The following CAMK1D variants were observed in gnomAD, a reference collection of about 807,000 sequenced individuals.
The protein encoded by CAMK1D is calcium/calmodulin dependent protein kinase ID.
A neutral mutation model predicts 47.7 loss-of-function variants in CAMK1D; 9 were observed. The ratio of observed to expected loss-of-function variants is 0.19; its 90% CI spans 0.11 to 0.33. CAMK1D has a LOEUF of 0.33. CAMK1D is among the 10% of genes least tolerant of loss of function. The pLI, the probability that CAMK1D is intolerant of heterozygous loss-of-function variation, is 1.00. For missense variants in CAMK1D, 291 were observed against 488.7 expected (o/e 0.60, Z 3.81); for synonymous variants, 184 against 184.9 (o/e 0.99, Z 0.04).
At chr10:12,715,634 A>G (rs1228293742) in intron 3 of CAMK1D, among the ~76,000 whole-genome samples, 1 of 152,018 alleles carries the variant, frequency 6.6e-6, no homozygotes, top group Non-Finnish European at 1.5e-5. Flanking sequence ...CTATGTTTTC[A>G]AAAGTTAAAT....
intron 1 of CAMK1D, among the ~76,000 whole-genome samples, chr10:12,541,569 C>G (rs1836175119): frequency 6.6e-6 from 1 of 152,106 alleles, no homozygotes; most frequent in African/African-American, 2.4e-5. Context: ...CCATGTTGGT[C>G]AGGCTGGTCT....
At chr10:12,578,601 G>A (rs1222599137) in intron 2 of CAMK1D, among the ~76,000 whole-genome samples, 1 of 148,132 alleles carries the variant, frequency 6.8e-6, no homozygotes, top group Non-Finnish European at 1.5e-5. Flanking sequence ...GTAGAGATGA[G>A]ATGTAGTCTC....
rs369917298 is a variant in CAMK1D, at chr10:12,684,216, C to G, written c.299+17406C>G. Among the ~76,000 whole-genome samples, 35 of 152,206 alleles carry G rather than the reference C, an allele frequency of 2.3e-4. No homozygotes were observed. The East Asian group carries it at 6.8e-3, about 29-fold the overall frequency. The stretch of plus-strand genomic sequence containing the variant: ...TTCTAATAGTTAGCATTTTAAGAAG[C>G]TAACATTCTTCCTGGAACAGAGGAG... On this transcript the variant is annotated intron_variant, in intron 3 of 10. Coordinates refer to ENST00000619168, the MANE Select transcript of CAMK1D (RefSeq NM_153498.4).
At chr10:12,487,209 C>G (rs913529595) in intron 1 of CAMK1D, among the ~76,000 whole-genome samples, 1 of 152,176 alleles carries the variant, frequency 6.6e-6, no homozygotes, top group Non-Finnish European at 1.5e-5. Flanking sequence ...TCAGCTGTCC[C>G]TCGCATTATG....
chr10:12,668,889 G>T (rs72771773), intron 3 of CAMK1D, among the ~76,000 whole-genome samples: 133 of 151,346 alleles, frequency 8.8e-4, no homozygotes, highest in Non-Finnish European at 1.5e-3. Context: ...TTCTGTCAAG[G>T]AATTCCTCTT....
chr10:12,646,465 G>A lies in CAMK1D; in HGVS notation c.225-20271G>A, dbSNP rs373143025. 1.8e-3 allele frequency among the ~76,000 whole-genome samples: 276 copies of A among 152,258 alleles called. 1 individual carries two copies. In the Middle Eastern group the frequency reaches 0.034, roughly 19 times the overall value. On this transcript the variant is annotated intron_variant, in intron 2 of 10. Transcript: ENST00000619168. ...ACATTTCATTTCAGAGACAGTTGAT[G>A]GGGCCAGAAAGAAGTGAGCTTAAGA...
intron 2 of CAMK1D, among the ~76,000 whole-genome samples, chr10:12,625,640 C>A (rs1414631838): frequency 1.3e-5 from 2 of 151,680 alleles, no homozygotes; most frequent in African/African-American, 4.9e-5. Context: ...CCCTCTGCCC[C>A]ATTTCTTACT....
chr10:12,426,396 G>A (rs527309875), intron 1 of CAMK1D, among the ~76,000 whole-genome samples: 13 of 152,222 alleles, frequency 8.5e-5, no homozygotes, highest in African/African-American at 2.2e-4. Context: ...ACAGGCATGC[G>A]CCACCATGCC....
chr10:12,554,797 G>A (rs2132276429), intron 2 of CAMK1D, among the ~76,000 whole-genome samples: 1 of 152,236 alleles, frequency 6.6e-6, no homozygotes, highest in East Asian at 1.9e-4. Flanking sequence ...TCCTACCGCA[G>A]CCTCCCAGAT....
At chr10:12,676,142 CAG>C (rs947091305) in intron 3 of CAMK1D, among the ~76,000 whole-genome samples, 1 of 152,122 alleles carries the variant, frequency 6.6e-6, no homozygotes, top group African/African-American at 2.4e-5. Flanking sequence ...TTAGTAGAGA[CAG>C]GGTTTCACCG....
intron 3 of CAMK1D, among the ~76,000 whole-genome samples, chr10:12,731,672 A>G (rs1453985248): frequency 1.3e-5 from 2 of 152,346 alleles, no homozygotes; most frequent in East Asian, 3.9e-4. Flanking sequence ...TAAGGGAGCA[A>G]GAGGGAGCAA....
At chr10:12,821,095 C>T (rs1435437066) in intron 8 of CAMK1D, among the ~76,000 whole-genome samples, 2 of 152,202 alleles carry the variant, frequency 1.3e-5, no homozygotes, top group Admixed American at 6.5e-5. Context: ...CAGGCCAGGG[C>T]AGCAGGCTGG....
chr10:12,443,896 C>T (rs1832856302), intron 1 of CAMK1D, among the ~76,000 whole-genome samples: 1 of 152,192 alleles, frequency 6.6e-6, no homozygotes, highest in Non-Finnish European at 1.5e-5. Context: ...TCCCAGAGTT[C>T]TGGGATTATA....
chr10:12,615,158 A>G (rs1287842211), intron 2 of CAMK1D, among the ~76,000 whole-genome samples: 6 of 152,154 alleles, frequency 3.9e-5, no homozygotes, highest in Non-Finnish European at 7.4e-5. Flanking sequence ...GGGCGAGAGG[A>G]GGCAGAATTG....
chr10:12,615,264 G>A (rs1838746886), intron 2 of CAMK1D, among the ~76,000 whole-genome samples: 1 of 152,164 alleles, frequency 6.6e-6, no homozygotes, highest in Non-Finnish European at 1.5e-5. Context: ...TCAGCAAGAG[G>A]AATTCACTAT....
intron 5 of CAMK1D, among the ~76,000 whole-genome samples, chr10:12,776,667 A>G (rs148581834): frequency 6.6e-6 from 1 of 152,308 alleles, no homozygotes; most frequent in Non-Finnish European, 1.5e-5. Context: ...CACAGCCCAC[A>G]GCACCGTAAC....
intron 1 of CAMK1D, among the ~76,000 whole-genome samples, chr10:12,357,045 C>CA (rs1174528792): frequency 6.6e-6 from 1 of 152,182 alleles, no homozygotes; most frequent in Admixed American, 6.5e-5. Context: ...AAATCCCCTT[C>CA]AATCTCTCTC....
chr10:12,828,041 A>G (rs1260769786), intron 10 of CAMK1D, among the ~76,000 whole-genome samples: 3 of 152,162 alleles, frequency 2.0e-5, no homozygotes, highest in East Asian at 3.9e-4. Flanking sequence ...ACACCAACCA[A>G]GGGTAGGAAG....
At chr10:12,515,703 G>A (rs754722233) in intron 1 of CAMK1D, among the ~76,000 whole-genome samples, 3 of 150,760 alleles carry the variant, frequency 2.0e-5, no homozygotes, top group African/African-American at 7.3e-5. Flanking sequence ...TTCACCTCCC[G>A]GGTTCACGCC....
Sources: allele counts gnomAD v4.1 joint callset (sites outside exome capture counted in the v4.1 genomes callset), GRCh38; gene constraint gnomAD v4.1.1; transcripts MANE v1.5; gene names NCBI Gene and HGNC (gene_info 2026-07-23, HGNC 2026-07-21).